FAM107B: variants seen among roughly 807,000 people sequenced by gnomAD.
The protein encoded by FAM107B is family with sequence similarity 107 member B.
Under a neutral mutation model 31.5 loss-of-function variants are expected in FAM107B, and 21 were observed. That is an observed-to-expected ratio of 0.67 (90% CI 0.47 to 0.96). FAM107B has a LOEUF of 0.96. FAM107B is among the 40% of genes least tolerant of loss of function. FAM107B has a pLI of 0.00. For missense variants in FAM107B, 452 were observed against 377.1 expected, an observed-to-expected ratio of 1.20 and a Z score of -1.64; for synonymous variants, 157 against 141.5, an observed-to-expected ratio of 1.11 and a Z score of -0.78.
intron 1 of FAM107B, among the ~76,000 whole-genome samples, chr10:14,767,720 A>G (rs377275337): frequency 1.1e-4 from 16 of 152,370 alleles, no homozygotes; most frequent in African/African-American, 3.6e-4. Context: ...CCTCACATTT[A>G]ATGGTGAAAG....
intron 2 of FAM107B, among the ~76,000 whole-genome samples, chr10:14,557,347 T>C (rs958728401): frequency 1.3e-5 from 2 of 152,254 alleles, no homozygotes; most frequent in Non-Finnish European, 2.9e-5. Flanking sequence ...GTTAAAGTGA[T>C]GAAATACCTC....
At chr10:14,752,312 G>A (rs137857762) in intron 1 of FAM107B, among the ~76,000 whole-genome samples, 1 of 152,312 alleles carries the variant, frequency 6.6e-6, no homozygotes, top group African/African-American at 2.4e-5. Flanking sequence ...TCATCTCTGA[G>A]CCTCCCTCCA....
intron 3 of FAM107B, among the ~76,000 whole-genome samples, chr10:14,522,940 T>C (rs556523958): frequency 7.2e-5 from 11 of 152,178 alleles, no homozygotes; most frequent in African/African-American, 2.4e-4. Context: ...AGATGTGTAG[T>C]TGATTATTTA....
chr10:14,765,285 T>C (rs1253447895), intron 1 of FAM107B, among the ~76,000 whole-genome samples: 2 of 152,342 alleles, frequency 1.3e-5, no homozygotes, highest in African/African-American at 2.4e-5. Context: ...ATCTCTGAAT[T>C]GTCTGAAAAT....
intron 2 of FAM107B, among the ~76,000 whole-genome samples, chr10:14,640,738 C>CTGAG (rs1301255214): frequency 6.6e-6 from 1 of 152,126 alleles, no homozygotes; most frequent in Admixed American, 6.6e-5. Flanking sequence ...GATAAGGAAA[C>CTGAG]TGAGGCTCAG....
chr10:14,522,674 A>C (rs570188598), intron 3 of FAM107B, among the ~76,000 whole-genome samples: 1 of 151,956 alleles, frequency 6.6e-6, no homozygotes, highest in East Asian at 1.9e-4. Flanking sequence ...TCGGCCTCCC[A>C]AAGTGCTGGG....
intron 2 of FAM107B, among the ~76,000 whole-genome samples, chr10:14,582,375 CTTTTTTT>C (rs71388188): frequency 8.9e-6 from 1 of 112,086 alleles, no homozygotes; most frequent in African/African-American, 3.5e-5. Flanking sequence ...TTTTTCTTTT[CTTTTTTT>C]TTTTTTTTTT....
intron 2 of FAM107B, among the ~76,000 whole-genome samples, chr10:14,557,111 C>T (rs1200774871): frequency 6.6e-6 from 1 of 152,334 alleles, no homozygotes; most frequent in East Asian, 1.9e-4. Context: ...TTCAACATCA[C>T]CTTCTCGGAT....
chr10:14,600,332 G>A (rs1157788670), intron 2 of FAM107B, among the ~76,000 whole-genome samples: 2 of 152,162 alleles, frequency 1.3e-5, no homozygotes, highest in African/African-American at 4.8e-5. Context: ...AATCCCAAGC[G>A]ACAAAGTGTC....
intron 1 of FAM107B, among the ~76,000 whole-genome samples, chr10:14,680,056 C>G (rs529570925): frequency 2.6e-5 from 4 of 152,254 alleles, no homozygotes; most frequent in African/African-American, 9.6e-5. Context: ...TTTATATGTT[C>G]AGCAATCCTA....
intron 1 of FAM107B, 134 bp downstream of exon 1, chr10:14,774,119 C>A: frequency 9.4e-7 from 1 of 1,065,984 alleles, no homozygotes; most frequent in Non-Finnish European, 1.3e-6. Flanking sequence ...CACACTTCTT[C>A]GCACTAGTGA....
At position 14,658,577 on chromosome 10, in the gene FAM107B, T is replaced by C. The variant is rs144827747; in HGVS notation, c.469+9057A>G. Among the ~76,000 whole-genome samples the C allele has an allele frequency of 2.1e-3, 319 of 152,342 alleles. 1 individual carries two copies. Among genetic ancestry groups the C allele is most frequent in the African/African-American group, 7.3e-3 (303 of 41,564 alleles). The stretch of plus-strand genomic sequence containing the variant: ...TAGTCAAACAACCATTACTTTTCAG[T>C]TCCTACATAGTCCAAGAATTGTGCG... On this transcript the variant is annotated intron_variant, in intron 2 of 4. Coordinates refer to ENST00000181796, the MANE Select transcript of FAM107B (RefSeq NM_031453.4).
chr10:14,758,256 T>A (rs549318997), intron 1 of FAM107B, among the ~76,000 whole-genome samples: 1 of 152,340 alleles, frequency 6.6e-6, no homozygotes, highest in Non-Finnish European at 1.5e-5. Flanking sequence ...GTGGGAACTG[T>A]TTTCCTTAAG....
intron 2 of FAM107B, among the ~76,000 whole-genome samples, chr10:14,557,021 G>A (rs1281676216): frequency 6.6e-6 from 1 of 152,122 alleles, no homozygotes; most frequent in African/African-American, 2.4e-5. Context: ...TCCCCACCTG[G>A]AGCGCATGAC....
At chr10:14,606,968 C>T (rs76299067) in intron 2 of FAM107B, among the ~76,000 whole-genome samples, 1,831 of 152,306 alleles carry the variant, frequency 0.012, 29 homozygotes, top group African/African-American at 0.043. Context: ...GCACTGGATT[C>T]GAGATTCTAA....
chr10:14,603,558 T>G lies in FAM107B; in HGVS notation c.469+64076A>C, dbSNP rs556948326. Among the ~76,000 whole-genome samples the G allele has an allele frequency of 2.6e-5, 4 of 152,288 alleles. No homozygotes were observed. In the East Asian group the frequency reaches 7.7e-4, roughly 29 times the overall value. On this transcript the variant is annotated intron_variant, in intron 2 of 4. Transcript: ENST00000181796. ...CAAGTGGTGGACACCATCCCCTACA[T>G]AACACTAACACTTGGCCATACCCAT...
chr10:14,639,914 C>CTTAACT (rs769772298), intron 2 of FAM107B, among the ~76,000 whole-genome samples: 1 of 152,214 alleles, frequency 6.6e-6, no homozygotes, highest in Non-Finnish European at 1.5e-5. Flanking sequence ...AAAGGCTTAT[C>CTTAACT]TTAACTTTAA....
At chr10:14,573,792 T>C (rs1184411428) in intron 2 of FAM107B, among the ~76,000 whole-genome samples, 1 of 152,068 alleles carries the variant, frequency 6.6e-6, no homozygotes. Flanking sequence ...TCTGTGGTAT[T>C]CCACTACGGC....
intron 1 of FAM107B, among the ~76,000 whole-genome samples, chr10:14,745,428 G>A (rs1832705496): frequency 6.6e-6 from 1 of 152,094 alleles, no homozygotes; most frequent in South Asian, 2.1e-4. Context: ...GCTTTTTGAT[G>A]TAGGCATTTA....
Sources: allele counts gnomAD v4.1 joint callset (sites outside exome capture counted in the v4.1 genomes callset), GRCh38; gene constraint gnomAD v4.1.1; transcripts MANE v1.5; gene names NCBI Gene and HGNC (gene_info 2026-07-23, HGNC 2026-07-21).